The following CECR2 variants were observed in gnomAD, a reference collection of about 807,000 sequenced individuals.
The protein encoded by CECR2 is chromatin remodeling regulator CECR2.
A neutral mutation model predicts 154.5 loss-of-function variants in CECR2; 30 were observed. The ratio of observed to expected loss-of-function variants is 0.19; its 90% CI spans 0.15 to 0.26. CECR2 has a LOEUF of 0.26. CECR2 is among the 10% of genes least tolerant of loss of function. The probability of loss-of-function intolerance (pLI) is 1.00; values close to 1 mark genes in which losing one functional copy is unlikely to be tolerated. For synonymous variants in CECR2, 725 were observed against 683.7 expected, an observed-to-expected ratio of 1.06 and a Z score of -0.94; for missense variants, 1,743 against 1,829.3, an observed-to-expected ratio of 0.95 and a Z score of 0.86.
At chr22:17,519,413 C>T (rs548892784) in intron 8 of CECR2, among the ~76,000 whole-genome samples, 11 of 151,906 alleles carry the variant, frequency 7.2e-5, no homozygotes, top group African/African-American at 2.7e-4. Context: ...GCGCCCGCCA[C>T]CATGCCCAGC....
At chr22:17,509,850 CCTT>C (rs1211650763) in intron 7 of CECR2, among the ~76,000 whole-genome samples, 1 of 152,272 alleles carries the variant, frequency 6.6e-6, no homozygotes, top group South Asian at 2.1e-4. Flanking sequence ...TGACGTTAAT[CCTT>C]CTCTGTCCGC....
rs184150256 is a variant in CECR2, at chr22:17,477,475, C to T, written c.127-113C>T. The T allele has an allele frequency of 9.4e-5, 68 of 724,798 alleles. No homozygotes were observed. The African/African-American group carries it at 1.2e-3, about 12-fold the overall frequency. 44.9% of individuals were successfully genotyped at this position (724,798 alleles called of 1,614,324 possible). Reference sequence around the variant, plus strand: ...AGGGCAGAGCTGATCTCTGGCAAGTCCTTCCGCTGCTGGGACCATTCAGTT... The same window carrying T: ...AGGGCAGAGCTGATCTCTGGCAAGTTCTTCCGCTGCTGGGACCATTCAGTT... On this transcript the variant is annotated intron_variant, in intron 1 of 18. Transcript: ENST00000262608.
rs537624876 is a variant in CECR2, at chr22:17,483,737, A to T, written c.221+6055A>T. On this transcript the variant is annotated intron_variant, in intron 2 of 18. Coordinates refer to ENST00000262608, the MANE Select transcript of CECR2 (RefSeq NM_001290047.2). Reference sequence around the variant, plus strand: ...TATTATTGAAGGAAAGGTTTTTTTTAAAATAAACATAGTATAGCCTAAGTT... The same window carrying T: ...TATTATTGAAGGAAAGGTTTTTTTTTAAATAAACATAGTATAGCCTAAGTT... Among the ~76,000 whole-genome samples, 10 of 152,302 alleles carry T rather than the reference A, an allele frequency of 6.6e-5. No homozygotes were observed. In the East Asian group the frequency reaches 7.7e-4, roughly 12 times the overall value.
At chr22:17,492,136 C>T (rs1025098688) in intron 2 of CECR2, among the ~76,000 whole-genome samples, 2 of 152,148 alleles carry the variant, frequency 1.3e-5, no homozygotes, top group Non-Finnish European at 2.9e-5. Flanking sequence ...TAAACGTGGC[C>T]TGTGTGTACA....
chr22:17,489,059 T>G (rs1298706608), intron 2 of CECR2, among the ~76,000 whole-genome samples: 1 of 152,176 alleles, frequency 6.6e-6, no homozygotes, highest in Admixed American at 6.5e-5. Flanking sequence ...TTCTCCTGCC[T>G]CAGCCTCCCA....
chr22:17,533,971 C>G (rs2056398808), intron 9 of CECR2, among the ~76,000 whole-genome samples: 2 of 151,972 alleles, frequency 1.3e-5, no homozygotes, highest in African/African-American at 4.8e-5. Flanking sequence ...GCCTCCGCCT[C>G]CCAAAGTGCT....
intron 1 of CECR2, among the ~76,000 whole-genome samples, chr22:17,462,920 T>A (rs150269544): frequency 0.017 from 2,598 of 152,210 alleles, 72 homozygotes; most frequent in African/African-American, 0.059. Context: ...TCAAAAAAAT[T>A]TATTAAATAC....
chr22:17,536,816 C>T (rs928163370), intron 9 of CECR2, among the ~76,000 whole-genome samples: 1 of 152,104 alleles, frequency 6.6e-6, no homozygotes, highest in Non-Finnish European at 1.5e-5. Context: ...TTTCTTCTGC[C>T]TTACTCCCTC....
At chr22:17,483,329 G>A (rs189760036) in intron 2 of CECR2, among the ~76,000 whole-genome samples, 46 of 152,346 alleles carry the variant, frequency 3.0e-4, no homozygotes, top group Non-Finnish European at 5.4e-4. Flanking sequence ...GGAGGATGAG[G>A]TGAGAGGACG....
At chr22:17,446,080 CCT>C (rs2054657450) in intron 1 of CECR2, among the ~76,000 whole-genome samples, 1 of 152,042 alleles carries the variant, frequency 6.6e-6, no homozygotes, top group South Asian at 2.1e-4. Flanking sequence ...GCCAGCATCA[CCT>C]AGGAGCTTGT....
At chr22:17,367,598 G>A (rs2063008937), upstream of CECR2, among the ~76,000 whole-genome samples, 1 of 152,148 alleles carries the variant, frequency 6.6e-6, no homozygotes, top group Admixed American at 6.5e-5. Context: ...TGTTGGCCAG[G>A]CTGGTCTCGA....
chr22:17,420,840 A>G (rs1414396141), intron 1 of CECR2, among the ~76,000 whole-genome samples: 4 of 152,132 alleles, frequency 2.6e-5, no homozygotes, highest in Non-Finnish European at 5.9e-5. Context: ...TAATTTCTCG[A>G]AAAGTTTTAG....
intron 2 of CECR2, among the ~76,000 whole-genome samples, chr22:17,497,140 C>A (rs992070745): frequency 5.3e-5 from 8 of 152,042 alleles, no homozygotes; most frequent in African/African-American, 7.2e-5. Flanking sequence ...ACAAAAAATA[C>A]AAAGATTAGC....
chr22:17,435,604 T>C (rs2054491505), intron 1 of CECR2, among the ~76,000 whole-genome samples: 1 of 151,120 alleles, frequency 6.6e-6, no homozygotes, highest in Non-Finnish European at 1.5e-5. Context: ...TATTTTTGTT[T>C]GGTCCAGTGA....
intron 1 of CECR2, among the ~76,000 whole-genome samples, chr22:17,383,717 A>G (rs2063227396): frequency 1.5e-5 from 2 of 135,572 alleles, no homozygotes; most frequent in Admixed American, 1.7e-4. Context: ...GCTGGAGCGC[A>G]GTGGCAGTAC....
intron 1 of CECR2, among the ~76,000 whole-genome samples, chr22:17,429,513 C>A (rs2054385791): frequency 7.1e-6 from 1 of 139,918 alleles, no homozygotes; most frequent in South Asian, 2.2e-4. Flanking sequence ...ACCAGCCTGG[C>A]CAGTAGGGCA....
intron 2 of CECR2, among the ~76,000 whole-genome samples, chr22:17,487,975 T>C (rs56831084): frequency 0.2 from 30,128 of 152,010 alleles, 3,153 homozygotes; most frequent in African/African-American, 0.25. Flanking sequence ...CTCCACCTCC[T>C]GGGTTCAAAT....
intron 1 of CECR2, among the ~76,000 whole-genome samples, chr22:17,474,613 G>A (rs570602365): frequency 2.0e-5 from 3 of 152,334 alleles, no homozygotes; most frequent in African/African-American, 7.2e-5. Flanking sequence ...CCTAGGCAGC[G>A]CTGGTGAAAA....
At chr22:17,388,689 TCA>T (rs2063293044) in intron 1 of CECR2, among the ~76,000 whole-genome samples, 1 of 152,180 alleles carries the variant, frequency 6.6e-6, no homozygotes. Flanking sequence ...TGAAAGCAAT[TCA>T]GTTTTTTCTT....
Sources: gnomAD v4.1 joint callset for allele counts (sites outside exome capture counted in the v4.1 genomes callset) on GRCh38, gnomAD v4.1.1 for gene constraint, MANE v1.5 for transcripts, NCBI Gene and HGNC (gene_info 2026-07-23, HGNC 2026-07-21) for gene names.